Variants in GRM4 observed in about 807,000 individuals in gnomAD.
The protein encoded by GRM4 is glutamate metabotropic receptor 4, also known as metabotropic glutamate receptor 4.
Under a neutral mutation model 81.7 loss-of-function variants are expected in GRM4, and 28 were observed. The observed-to-expected ratio is 0.34, with a 90% confidence interval of 0.25 to 0.47. The LOEUF (loss-of-function observed/expected upper bound fraction) is 0.47. Among genes scored for constraint, GRM4 ranks in the 20% least tolerant of loss-of-function variants. The probability of loss-of-function intolerance (pLI) is 1.00; values close to 1 mark genes in which losing one functional copy is unlikely to be tolerated. For missense variants in GRM4, 948 were observed against 1,290.0 expected (o/e 0.73, Z 4.06); for synonymous variants, 488 against 528.8 (o/e 0.92, Z 1.06).
chr6:34,097,034 AG>A (rs1768560672), intron 2 of GRM4, among the ~76,000 whole-genome samples: 1 of 152,136 alleles, frequency 6.6e-6, no homozygotes, highest in African/African-American at 2.4e-5. Context: ...TCCTACAAAG[AG>A]GCATGGAACA....
At chr6:34,105,556 G>A (rs80229732) in intron 2 of GRM4, among the ~76,000 whole-genome samples, 3 of 151,932 alleles carry the variant, frequency 2.0e-5, no homozygotes, top group Admixed American at 6.5e-5. Flanking sequence ...TCCCTGATCC[G>A]ACCCTGGTGG....
intron 2 of GRM4, among the ~76,000 whole-genome samples, chr6:34,107,681 C>CT: frequency 6.6e-6 from 1 of 152,282 alleles, no homozygotes; most frequent in African/African-American, 2.4e-5. Context: ...TACAAAGGCC[C>CT]TGTGGCCAAG....
chr6:34,056,838 C>A (rs1182599322), intron 5 of GRM4, among the ~76,000 whole-genome samples, 154 bp from the exon 6 acceptor site: 2 of 152,220 alleles, frequency 1.3e-5, no homozygotes, highest in South Asian at 2.1e-4. Context: ...AAATGTGGAG[C>A]ATTTCGTTTC....
At chr6:34,148,723 G>C (rs762537830), upstream of GRM4, among the ~76,000 whole-genome samples, 1 of 152,212 alleles carries the variant, frequency 6.6e-6, no homozygotes, top group Non-Finnish European at 1.5e-5. Flanking sequence ...CATGTGACGT[G>C]GGGGAGCCCC....
In GRM4 at chr6:34,035,948, T is replaced by C. The variant is rs765439320; in HGVS notation, c.2162A>G (p.Asp721Gly). ...GAAGTCCACCACCGAGTGGGAGGGG[T>C]CCACCACAAACCACACACAGATGCC... ...LLGICVWFVV[D>G]PSHSVVDFQD... is the part of the protein sequence containing the mutation. Residue 721 changes from aspartate (D) to glycine (G), a missense_variant, in exon 9 of 11, where the codon GAC becomes GGC. By Grantham distance (94) the Asp-to-Gly change is moderately conservative. Transcript: ENST00000538487. The surrounding 1 kb of genome is among the most constrained non-coding windows in gnomAD (Gnocchi z 6.6). The C allele has an allele frequency of 6.2e-7, 1 of 1,610,110 alleles. No homozygotes were observed. The highest frequency in any genetic ancestry group is 8.5e-7 in the Non-Finnish European group (1 of 1,177,772).
Position 34,078,986 on chromosome 6 carries a change from T to G in GRM4, c.736+12897A>C, listed in dbSNP as rs1767455293. Among the ~76,000 whole-genome samples, 1 of 152,158 alleles carries G rather than the reference T, an allele frequency of 6.6e-6. No homozygotes were observed. The highest frequency in any genetic ancestry group is 2.1e-4 in the South Asian group (1 of 4,824). Reference sequence around the variant, plus strand: ...CAGGCGCACCCCCAGGTCTGAGGCCTCAGAGGCAGCCCCTCACTCCCTCCA... The same window carrying G: ...CAGGCGCACCCCCAGGTCTGAGGCCGCAGAGGCAGCCCCTCACTCCCTCCA... On this transcript the variant is annotated intron_variant, in intron 3 of 10. Transcript: ENST00000538487. This position sits in a 1 kb window ranked among gnomAD's most constrained non-coding sequence, Gnocchi z 4.8.
rs1175256532 is a variant in GRM4 at position 34,048,223 on chromosome 6, G to A, written c.1169-7475C>T. Reference sequence around the variant, plus strand: ...CCCCAGGGTCTGGTGGGGCCAGCTGGAAACCCCCACTCAGCCCCTTGCTGG... The same window carrying A: ...CCCCAGGGTCTGGTGGGGCCAGCTGAAAACCCCCACTCAGCCCCTTGCTGG... On this transcript the variant is annotated intron_variant, in intron 6 of 10. Transcript: ENST00000538487. This position sits in a 1 kb window ranked among gnomAD's most constrained non-coding sequence, Gnocchi z 4.0. Among the ~76,000 whole-genome samples the A allele has an allele frequency of 2.0e-5, 3 of 152,166 alleles. No individual in the cohort carries two copies. Among genetic ancestry groups the A allele is most frequent in the Admixed American group, 2.0e-4 (3 of 15,274 alleles).
In GRM4 at chr6:34,070,690, G is replaced by A. The variant is rs777071848; in HGVS notation, c.737-8662C>T. ...CCCAGGGCTGGGGAGGTCTACAGCT[G>A]GGCGGGGGGACCAGGGCACCAGGAT... On this transcript the variant is annotated intron_variant, in intron 3 of 10. Transcript: ENST00000538487. This position sits in a 1 kb window ranked among gnomAD's most constrained non-coding sequence, Gnocchi z 4.6. 4.7e-4 allele frequency among the ~76,000 whole-genome samples: 72 copies of A among 151,798 alleles called. 1 individual carries two copies. The highest frequency in any genetic ancestry group is 6.3e-4 in the Non-Finnish European group (43 of 67,904).
At chr6:34,026,849 A>G (rs1244785604) in intron 10 of GRM4, among the ~76,000 whole-genome samples, 1 of 152,178 alleles carries the variant, frequency 6.6e-6, no homozygotes, top group Non-Finnish European at 1.5e-5. Flanking sequence ...GGAAAAGCAT[A>G]TCTGACAGAC....
At chr6:34,056,409 T>A in intron 6 of GRM4, 135 bp downstream of exon 6, 1 of 737,762 alleles carries the variant, frequency 1.4e-6, no homozygotes, top group Non-Finnish European at 2.2e-6. Context: ...CCACCCCAGG[T>A]GCAGGCCCAA....
chr6:34,132,750 C>T (rs1770293627), intron 2 of GRM4, among the ~76,000 whole-genome samples: 1 of 152,204 alleles, frequency 6.6e-6, no homozygotes, highest in South Asian at 2.1e-4. Context: ...AAGGCTGGGT[C>T]CCGATGCCTT....
intron 2 of GRM4, among the ~76,000 whole-genome samples, chr6:34,123,745 G>A (rs1769908394): frequency 6.6e-6 from 1 of 152,224 alleles, no homozygotes; most frequent in Non-Finnish European, 1.5e-5. Flanking sequence ...GGCACAGAGA[G>A]GCTTTCCCAG....
At chr6:34,132,898 G>A in intron 2 of GRM4, 80 bp downstream of exon 2, 2 of 1,211,100 alleles carry the variant, frequency 1.7e-6, no homozygotes, top group Non-Finnish European at 2.3e-6. Context: ...GGGCTGGTCG[G>A]CCAGGCCTGG....
chr6:34,077,194 C>T (rs1434245518), intron 3 of GRM4, among the ~76,000 whole-genome samples: 1 of 152,108 alleles, frequency 6.6e-6, no homozygotes, highest in Non-Finnish European at 1.5e-5. Flanking sequence ...CCACATGTCC[C>T]CAGAGGTAGG....
chr6:34,095,864 G>A (rs555770176), intron 2 of GRM4, among the ~76,000 whole-genome samples: 246 of 152,314 alleles, frequency 1.6e-3, no homozygotes, highest in African/African-American at 5.7e-3. Context: ...CGCCACAGGT[G>A]GGCAGGGAGC....
intron 1 of GRM4, chr6:34,154,982 G>A (rs939373089): frequency 1.3e-5 from 14 of 1,060,878 alleles, no homozygotes; most frequent in Non-Finnish European, 1.8e-5. Flanking sequence ...GGGCGGGTCC[G>A]AGCGGGACCC....
At chr6:34,144,633 C>T (rs923761611) in intron 1 of GRM4, among the ~76,000 whole-genome samples, 1 of 152,040 alleles carries the variant, frequency 6.6e-6, no homozygotes, top group Non-Finnish European at 1.5e-5. Flanking sequence ...GGAAAGGAGC[C>T]GAGGCGCGCG....
rs536504111 is a variant in GRM4, at chr6:34,115,040, G to A, written c.519+17938C>T. Among the ~76,000 whole-genome samples, 12 of 152,206 alleles carry A rather than the reference G, an allele frequency of 7.9e-5. No homozygotes were observed. Among genetic ancestry groups the A allele is most frequent in the Non-Finnish European group, 1.8e-4 (12 of 68,044 alleles). On this transcript the variant is annotated intron_variant, in intron 2 of 10. Transcript: ENST00000538487. The surrounding 1 kb of genome is among the most constrained non-coding windows in gnomAD (Gnocchi z 4.1). ...TCTGAGGACAAACGGACCTTTAAGT[G>A]CCACTAATCACTGCATCCAGGAGCA... is the stretch of plus-strand genomic sequence containing the variant.
chr6:34,085,525 C>T (rs919672021), intron 3 of GRM4, among the ~76,000 whole-genome samples: 1 of 152,164 alleles, frequency 6.6e-6, no homozygotes, highest in African/African-American at 2.4e-5. Flanking sequence ...GCCTACACCC[C>T]GTCAGCCTCA....
Sources: allele counts gnomAD v4.1 joint callset (sites outside exome capture counted in the v4.1 genomes callset), GRCh38; gene constraint gnomAD v4.1.1; non-coding constraint Gnocchi (gnomAD v3.1); transcripts MANE v1.5; gene names NCBI Gene and HGNC (gene_info 2026-07-23, HGNC 2026-07-21).